The following ENOX1 variants were observed in gnomAD, a reference collection of about 807,000 sequenced individuals.
ENOX1 encodes the protein candidate growth-related and time keeping constitutive hydroquinone (NADH) oxidase.
ENOX1 carries 42 observed loss-of-function variants against 82.5 expected under a neutral mutation model. The observed-to-expected ratio is 0.51, with a 90% CI of 0.40 to 0.66. The LOEUF is 0.66. ENOX1 is among the 30% of genes least tolerant of loss of function. The pLI, the probability that ENOX1 is intolerant of heterozygous loss-of-function variation, is 0.00. For synonymous variants in ENOX1, 271 were observed against 282.2 expected (o/e 0.96, Z 0.40); for missense variants, 608 against 811.6 (o/e 0.75, Z 3.05).
intron 1 of ENOX1, among the ~76,000 whole-genome samples, chr13:43,777,918 C>A (rs1178969433): frequency 6.6e-6 from 1 of 152,088 alleles, no homozygotes; most frequent in Non-Finnish European, 1.5e-5. Context: ...ATTAACAAGG[C>A]TTCTTCTTTT....
At chr13:43,261,059 TCTC>T (rs906007148) in intron 14 of ENOX1, among the ~76,000 whole-genome samples, 3 of 152,134 alleles carry the variant, frequency 2.0e-5, no homozygotes, top group African/African-American at 4.8e-5. Flanking sequence ...TCAGAAAACT[TCTC>T]CTGGGCATGC....
intron 16 of ENOX1, among the ~76,000 whole-genome samples, chr13:43,219,255 G>A (rs1392668808): frequency 6.6e-6 from 1 of 152,144 alleles, no homozygotes; most frequent in Admixed American, 6.5e-5. Flanking sequence ...TCAGAGTGAC[G>A]CATTCCCTCA....
intron 5 of ENOX1, among the ~76,000 whole-genome samples, chr13:43,400,197 T>C (rs1346984426): frequency 6.6e-6 from 1 of 152,160 alleles, no homozygotes; most frequent in Non-Finnish European, 1.5e-5. Context: ...CATTTTACCA[T>C]ATTTTTCTGG....
chr13:43,443,083 T>C (rs1378446722), intron 3 of ENOX1, among the ~76,000 whole-genome samples: 1 of 152,222 alleles, frequency 6.6e-6, no homozygotes, highest in Admixed American at 6.5e-5. Flanking sequence ...TTATCCTTTT[T>C]ATATAAATAT....
At chr13:43,648,996 C>T (rs534888513) in intron 2 of ENOX1, among the ~76,000 whole-genome samples, 16 of 152,268 alleles carry the variant, frequency 1.1e-4, no homozygotes, top group Admixed American at 6.5e-4. Flanking sequence ...CTAGAGCCTA[C>T]GCAGACCACA....
intron 5 of ENOX1, among the ~76,000 whole-genome samples, chr13:43,405,782 A>G (rs2053758457): frequency 1.3e-5 from 2 of 152,186 alleles, no homozygotes; most frequent in African/African-American, 4.8e-5. Context: ...CTGGTTGCCA[A>G]CCTTTCCACA....
rs180789929 is a variant in ENOX1, at chr13:43,636,633, T to C, written c.-219+30846A>G. On this transcript the variant is annotated intron_variant, in intron 2 of 16. Coordinates refer to ENST00000690772, the MANE Select transcript of ENOX1 (RefSeq NM_001347969.2). ...GGAAATAATCACATTACAAAATAGA[T>C]GTCCAGAACATTCCACCTTGTTTCA... 5.6e-3 allele frequency among the ~76,000 whole-genome samples: 851 copies of C among 152,286 alleles called. 6 individuals are homozygous for C. The highest frequency in any genetic ancestry group is 0.022 in the South Asian group (108 of 4,824).
At position 43,786,247 on chromosome 13, in the gene ENOX1, G is replaced by C. The variant is rs1452285629; in HGVS notation, c.-285+405C>G. ...GCGGGAACACTGTGTGGGCAGGAAC[G>C]GGTCCCGGGGGCGACGCCCGCAGGG... is the stretch of plus-strand genomic sequence containing the variant. On this transcript the variant is annotated intron_variant, in intron 1 of 16. Transcript: ENST00000690772. This position sits in a 1 kb window ranked among gnomAD's most constrained non-coding sequence, Gnocchi z 6.0. Among the ~76,000 whole-genome samples the C allele has an allele frequency of 6.6e-6, 1 of 152,238 alleles. No homozygotes were observed. Among genetic ancestry groups the C allele is most frequent in the Admixed American group, 6.5e-5 (1 of 15,308 alleles).
At chr13:43,243,228 T>C (rs2042926252) in intron 14 of ENOX1, among the ~76,000 whole-genome samples, 1 of 151,918 alleles carries the variant, frequency 6.6e-6, no homozygotes, top group Admixed American at 6.6e-5. Context: ...ACCCAGTTCA[T>C]CTCACTCGTC....
rs1343661627 is a variant in ENOX1 at position 43,214,016 on chromosome 13, C to T, written c.1906G>A (p.Ala636Thr). Reference protein sequence around the residue: ...ATLEKRWKLCAFEGIKTT With the variant: ...ATLEKRWKLCTFEGIKTT ...TAGGTAGTTTTAATTCCTTCAAAGG[C>T]ACACAGCTTCCATCTTTTTTCCAGC... The change falls in exon 17 of 17, where the codon GCC (alanine) becomes ACC (threonine). Residue 636 changes from alanine to threonine, a missense_variant. By Grantham distance (58) the Ala-to-Thr change is moderately conservative. Transcript: ENST00000690772. The T allele has an allele frequency of 6.8e-6, 11 of 1,613,970 alleles. No individual in the cohort carries two copies. The highest frequency in any genetic ancestry group is 9.3e-6 in the Non-Finnish European group (11 of 1,179,904).
At chr13:43,675,322 G>A (rs2085457497) in intron 1 of ENOX1, among the ~76,000 whole-genome samples, 1 of 152,158 alleles carries the variant, frequency 6.6e-6, no homozygotes, top group African/African-American at 2.4e-5. Flanking sequence ...ATTTCTGAAT[G>A]AGAGGAGAGA....
intron 2 of ENOX1, among the ~76,000 whole-genome samples, chr13:43,584,837 G>A (rs1436263401): frequency 6.6e-6 from 1 of 152,036 alleles, no homozygotes; most frequent in Non-Finnish European, 1.5e-5. Context: ...AGACCAGCCT[G>A]ACTACAATCA....
intron 1 of ENOX1, among the ~76,000 whole-genome samples, chr13:43,754,030 A>T: frequency 7.4e-6 from 1 of 135,378 alleles, no homozygotes. Flanking sequence ...ATATATACAT[A>T]TATATGTATA....
At chr13:43,578,136 C>A (rs185828206) in intron 2 of ENOX1, among the ~76,000 whole-genome samples, 1 of 152,134 alleles carries the variant, frequency 6.6e-6, no homozygotes, top group Admixed American at 6.6e-5. Context: ...CCATTTGAAA[C>A]GATCTGGCTT....
chr13:43,734,717 C>T lies in ENOX1; in HGVS notation c.-285+51935G>A, dbSNP rs138339712. Among the ~76,000 whole-genome samples the T allele has an allele frequency of 8.5e-4, 130 of 152,258 alleles. 1 individual carries two copies. Among genetic ancestry groups the T allele is most frequent in the African/African-American group, 2.8e-3 (117 of 41,556 alleles). ...TTTAATGAAATCACAGCATGCACCA[C>T]TAGCAACTGGGAAAACAGAGCATTC... On this transcript the variant is annotated intron_variant, in intron 1 of 16. Transcript: ENST00000690772.
rs574691690 is a variant in ENOX1 at position 43,269,715 on chromosome 13, T to A, written c.1447-138A>T. On this transcript the variant is annotated intron_variant, in intron 12 of 16. Transcript: ENST00000690772. ...TTAATTCAGACCTCAGTTGACCTTG[T>A]GTGTTTTCCGCACTAAGTATCAAGG... 2.2e-5 allele frequency: 15 copies of A among 678,166 alleles called. No individual in the cohort carries two copies. In the Admixed American group the frequency reaches 2.6e-4, roughly 12 times the overall value. The allele number at this position is 678,166 out of a possible 1,614,324, so 42.0% of individuals were successfully genotyped here. A position where few individuals can be genotyped will look rare whatever the true frequency, so the allele number is the denominator to read the frequency against.
At chr13:43,227,541 T>G (rs1052745509) in intron 15 of ENOX1, among the ~76,000 whole-genome samples, 2 of 152,242 alleles carry the variant, frequency 1.3e-5, no homozygotes, top group Non-Finnish European at 2.9e-5. Flanking sequence ...TGAGATATTA[T>G]TCACTGAAAA....
intron 12 of ENOX1, among the ~76,000 whole-genome samples, chr13:43,273,052 A>AACACT (rs753394555): frequency 6.6e-6 from 1 of 152,098 alleles, no homozygotes; most frequent in Non-Finnish European, 1.5e-5. Context: ...GGTGCTTTAC[A>AACACT]ACACTGCCTT....
chr13:43,412,169 A>T, intron 4 of ENOX1, 116 bp from the exon 5 acceptor site: 1 of 1,170,168 alleles, frequency 8.5e-7, no homozygotes, highest in South Asian at 1.6e-5. Context: ...ACTACAAAAA[A>T]AAAATAAAGA....
Sources: gnomAD v4.1 joint callset for allele counts (sites outside exome capture counted in the v4.1 genomes callset) on GRCh38, gnomAD v4.1.1 for gene constraint, Gnocchi (gnomAD v3.1) non-coding constraint, MANE v1.5 for transcripts, NCBI Gene and HGNC (gene_info 2026-07-23, HGNC 2026-07-21) for gene names.